Variants in PRKCQ observed in about 807,000 individuals in gnomAD.
PRKCQ encodes the protein protein kinase C theta type.
Under a neutral mutation model 91.2 loss-of-function variants are expected in PRKCQ, and 41 were observed. That is an observed-to-expected ratio of 0.45 (90% CI 0.35 to 0.58). The LOEUF is 0.58. Ranked by LOEUF, PRKCQ falls within the 20% of genes least tolerant of loss-of-function variation. PRKCQ has a pLI of 0.00. For missense variants in PRKCQ, 673 were observed against 896.5 expected (o/e 0.75, Z 3.18); for synonymous variants, 307 against 316.9 (o/e 0.97, Z 0.33).
chr10:6,532,030 C>T (rs1342624291), intron 1 of PRKCQ, among the ~76,000 whole-genome samples: 1 of 152,166 alleles, frequency 6.6e-6, no homozygotes, highest in Non-Finnish European at 1.5e-5. Context: ...AGGCATCACT[C>T]AGTGAGGATC....
At chr10:6,578,548 C>G (rs181465475) in intron 1 of PRKCQ, among the ~76,000 whole-genome samples, 94 of 152,322 alleles carry the variant, frequency 6.2e-4, no homozygotes, top group African/African-American at 1.6e-3. Context: ...TAGAGTGGAT[C>G]GCTAACTTGC....
chr10:6,510,415 G>C (rs898579268), intron 3 of PRKCQ, among the ~76,000 whole-genome samples: 1 of 152,218 alleles, frequency 6.6e-6, no homozygotes, highest in African/African-American at 2.4e-5. Flanking sequence ...AGTATAGAGA[G>C]AGAAGACCAA....
rs1837677089 is a variant in PRKCQ, at chr10:6,497,349, C to T, written c.543-98G>A. ...ATGAGATCTCATAACCCCCTAAGAT[C>T]ACAGAGCAGTTTCTGATCAGCAGCC... On this transcript the variant is annotated intron_variant, in intron 5 of 17. Transcript: ENST00000263125. The surrounding 1 kb of genome is among the most constrained non-coding windows in gnomAD (Gnocchi z 4.5). 2 of 1,401,590 alleles carry T rather than the reference C, an allele frequency of 1.4e-6. No homozygotes were observed. The highest frequency in any genetic ancestry group is 2.2e-4 in the Middle Eastern group (1 of 4,448). The allele number at this position is 1,401,590 out of a possible 1,614,324, so 86.8% of individuals were successfully genotyped here.
At chr10:6,483,859 A>G (rs1190630124) in intron 10 of PRKCQ, among the ~76,000 whole-genome samples, 1 of 152,234 alleles carries the variant, frequency 6.6e-6, no homozygotes, top group Non-Finnish European at 1.5e-5. Context: ...ACTGGGAAAT[A>G]GTTCAACTTA....
intron 12 of PRKCQ, among the ~76,000 whole-genome samples, chr10:6,476,646 TA>T (rs1836285209): frequency 6.6e-6 from 1 of 152,254 alleles, no homozygotes; most frequent in Admixed American, 6.5e-5. Flanking sequence ...ATTTATTCAA[TA>T]AATCTGTCAT....
At chr10:6,474,111 A>G (rs908316480) in intron 12 of PRKCQ, among the ~76,000 whole-genome samples, 4 of 152,232 alleles carry the variant, frequency 2.6e-5, no homozygotes, top group Non-Finnish European at 1.5e-5. Context: ...TAGAAAGTGA[A>G]ACTCAGTTTT....
intron 1 of PRKCQ, among the ~76,000 whole-genome samples, chr10:6,542,438 G>A (rs1182987174): frequency 6.6e-6 from 1 of 152,212 alleles, no homozygotes; most frequent in African/African-American, 2.4e-5. Context: ...ATTGAGCATG[G>A]ATTTTAGACA....
chr10:6,410,378 C>T, the PRKCQ span, among the ~76,000 whole-genome samples: 1 of 152,194 alleles, frequency 6.6e-6, no homozygotes, highest in African/African-American at 2.4e-5. Flanking sequence ...ATTGGAAGTG[C>T]CAGAGATCAC....
the PRKCQ span, among the ~76,000 whole-genome samples, chr10:6,414,983 G>A: frequency 6.6e-6 from 1 of 151,252 alleles, no homozygotes; most frequent in Non-Finnish European, 1.5e-5. Context: ...TTTTTTTTGA[G>A]ACAGAATCTT....
chr10:6,485,521 A>G (rs1472695452), intron 9 of PRKCQ, among the ~76,000 whole-genome samples: 1 of 152,210 alleles, frequency 6.6e-6, no homozygotes, highest in African/African-American at 2.4e-5. Flanking sequence ...CATGCTGTCT[A>G]CATCATTCCA....
At chr10:6,504,142 A>G (rs1838063490) in intron 4 of PRKCQ, among the ~76,000 whole-genome samples, 2 of 152,236 alleles carry the variant, frequency 1.3e-5, no homozygotes, top group Admixed American at 6.5e-5. Context: ...TAGATATTTC[A>G]TCTACTCTAC....
chr10:6,558,255 A>G (rs1358827480), intron 1 of PRKCQ, among the ~76,000 whole-genome samples: 2 of 152,218 alleles, frequency 1.3e-5, no homozygotes, highest in Non-Finnish European at 2.9e-5. Flanking sequence ...CATTTTAAAA[A>G]GATGTTTTGG....
the PRKCQ span, among the ~76,000 whole-genome samples, chr10:6,416,816 T>C: frequency 4.6e-5 from 7 of 152,366 alleles, no homozygotes; most frequent in East Asian, 1.2e-3. Flanking sequence ...GTTGTACTAG[T>C]TTACATTCCC....
the PRKCQ span, among the ~76,000 whole-genome samples, chr10:6,421,828 T>C: frequency 1.3e-5 from 2 of 152,238 alleles, no homozygotes; most frequent in Non-Finnish European, 2.9e-5. The surrounding 1 kb of genome is among the most constrained non-coding windows in gnomAD (Gnocchi z 4.1). Flanking sequence ...CACTGCACCA[T>C]GTGTGCTCAT....
rs1417358744 is a variant in PRKCQ at position 6,497,771 on chromosome 10, C to T, written c.543-520G>A. Among the ~76,000 whole-genome samples the T allele has an allele frequency of 6.6e-6, 1 of 152,134 alleles. No homozygotes were observed. Among genetic ancestry groups the T allele is most frequent in the Non-Finnish European group, 1.5e-5 (1 of 68,022 alleles). On this transcript the variant is annotated intron_variant, in intron 5 of 17. Transcript: ENST00000263125. This position sits in a 1 kb window ranked among gnomAD's most constrained non-coding sequence, Gnocchi z 4.5. The stretch of plus-strand genomic sequence containing the variant: ...GCAGGCTGATGAAAACCCGCCAAGT[C>T]GATCTGGCATGTGGATACCCTGGTT...
intron 15 of PRKCQ, among the ~76,000 whole-genome samples, chr10:6,451,425 G>A (rs1456037481): frequency 6.6e-6 from 1 of 152,138 alleles, no homozygotes; most frequent in Non-Finnish European, 1.5e-5. Flanking sequence ...TGAAATTGTG[G>A]CAATAATCAA....
At chr10:6,472,056 C>T (rs891315876) in intron 12 of PRKCQ, among the ~76,000 whole-genome samples, 2 of 152,040 alleles carry the variant, frequency 1.3e-5, no homozygotes, top group African/African-American at 4.8e-5. Flanking sequence ...CGCCCGTAAT[C>T]CTAGCACTCT....
rs995136278 is a variant in PRKCQ at position 6,450,839 on chromosome 10, C to T, written c.1647+5835G>A. Among the ~76,000 whole-genome samples the T allele has an allele frequency of 3.9e-5, 6 of 152,066 alleles. No homozygotes were observed. In the East Asian group the frequency reaches 5.8e-4, roughly 15 times the overall value. ...TCCTGAATGACTACTGGGTACATAA[C>T]GAAATGAAGGCAGAAATAAAGATGT... On this transcript the variant is annotated intron_variant, in intron 15 of 17. Coordinates refer to ENST00000263125, the MANE Select transcript of PRKCQ (RefSeq NM_006257.5).
intron 1 of PRKCQ, among the ~76,000 whole-genome samples, chr10:6,565,111 G>A (rs368719221): frequency 6.6e-6 from 1 of 152,176 alleles, no homozygotes; most frequent in Non-Finnish European, 1.5e-5. Context: ...GCAAATATAC[G>A]TTTCACTTTT....
Sources: gnomAD v4.1 joint callset for allele counts (sites outside exome capture counted in the v4.1 genomes callset) on GRCh38, gnomAD v4.1.1 for gene constraint, Gnocchi (gnomAD v3.1) non-coding constraint, MANE v1.5 for transcripts, NCBI Gene and HGNC (gene_info 2026-07-23, HGNC 2026-07-21) for gene names.